The following PPP1R13B variants were observed in gnomAD, a reference collection of about 807,000 sequenced individuals.
The protein encoded by PPP1R13B is protein phosphatase 1 regulatory subunit 13B.
PPP1R13B carries 44 observed loss-of-function variants against 119.8 expected under a neutral mutation model. The observed-to-expected ratio is 0.37, with a 90% confidence interval of 0.29 to 0.47. The LOEUF (loss-of-function observed/expected upper bound fraction) is 0.47. Among genes scored for constraint, PPP1R13B ranks in the 20% least tolerant of loss-of-function variants. The pLI, the probability that PPP1R13B is intolerant of heterozygous loss-of-function variation, is 0.99. For synonymous variants in PPP1R13B, 542 were observed against 561.5 expected, an observed-to-expected ratio of 0.97 and a Z score of 0.49; for missense variants, 1,227 against 1,413.5, an observed-to-expected ratio of 0.87 and a Z score of 2.12.
At chr14:103,839,355 A>C (rs2152085779) in intron 1 of PPP1R13B, among the ~76,000 whole-genome samples, 1 of 152,056 alleles carries the variant, frequency 6.6e-6, no homozygotes, top group Admixed American at 6.5e-5. Context: ...CGCCGGGCAC[A>C]GTGGCTCACG....
At position 103,739,873 on chromosome 14, in the gene PPP1R13B, A is replaced by G; in HGVS notation, c.2543T>C (p.Val848Ala). The stretch of plus-strand genomic sequence containing the variant: ...GGCAGGGGGAAGAGGTGCTGGAGGG[A>G]CCTGCTCTTCCCCTGGAGATGGGGC... ...AEAPSPGEEQVPPAPLPPASH... is the reference protein window; with the variant it reads ...AEAPSPGEEQAPPAPLPPASH... The change falls in exon 12 of 17, where the codon GTC (valine) becomes GCC (alanine). Residue 848 changes from valine to alanine, a missense_variant. Coordinates refer to ENST00000202556, the MANE Select transcript of PPP1R13B (RefSeq NM_015316.3). The G allele has an allele frequency of 1.9e-6, 3 of 1,613,530 alleles. No individual in the cohort carries two copies. Among genetic ancestry groups the G allele is most frequent in the Non-Finnish European group, 2.5e-6 (3 of 1,179,910 alleles).
chr14:103,740,397 G>T lies in PPP1R13B; in HGVS notation c.2019C>A (p.Thr673=). ...VESLPRPLSP[T]KLTPIVHSPL... The stretch of plus-strand genomic sequence containing the variant: ...GCGAATGCACGATGGGCGTGAGCTT[G>T]GTGGGGCTGAGTGGCCGTGGCAGGC... Residue 673 remains threonine (T), a synonymous_variant, in exon 12 of 17, where the codon ACC becomes ACA. Coordinates refer to ENST00000202556, the MANE Select transcript of PPP1R13B (RefSeq NM_015316.3). The surrounding 1 kb of genome is among the most constrained non-coding windows in gnomAD (Gnocchi z 4.6). 6.3e-7 allele frequency: 1 copy of T among 1,579,492 alleles called. No homozygotes were observed.
At chr14:103,825,498 A>G (rs2086517024) in intron 1 of PPP1R13B, among the ~76,000 whole-genome samples, 1 of 152,236 alleles carries the variant, frequency 6.6e-6, no homozygotes, top group African/African-American at 2.4e-5. Context: ...CACACAAATG[A>G]TAAAAGCCTG....
intron 1 of PPP1R13B, among the ~76,000 whole-genome samples, chr14:103,823,561 C>T (rs1249018998): frequency 6.6e-6 from 1 of 152,118 alleles, no homozygotes; most frequent in Non-Finnish European, 1.5e-5. Context: ...CCTACCTTGT[C>T]ACCAAGATCT....
chr14:103,763,018 T>C, intron 4 of PPP1R13B: 5 of 1,459,060 alleles, frequency 3.4e-6, no homozygotes, highest in South Asian at 1.2e-5. Flanking sequence ...CAAGGTTTAG[T>C]GCAAGCAATA....
intron 4 of PPP1R13B, chr14:103,763,200 T>C (rs1366401994): frequency 3.4e-6 from 2 of 582,754 alleles, no homozygotes; most frequent in Middle Eastern, 9.5e-4. Context: ...GTGGAATGTG[T>C]CCATGAAATA....
Position 103,734,719 on chromosome 14 carries a change from G to C in PPP1R13B, c.*435C>G, listed in dbSNP as rs2084046397. On this transcript the variant is annotated 3_prime_UTR_variant, in exon 17 of 17. Transcript: ENST00000202556. ...GTGGGAAGTGTGAGAAAGGATGAGT[G>C]TCCGATTCGGTGACGGGGGGCAGGG... is the stretch of plus-strand genomic sequence containing the variant. The C allele has an allele frequency of 4.4e-6, 2 of 459,050 alleles. No homozygotes were observed. The highest frequency in any genetic ancestry group is 2.3e-5 in the Admixed American group (1 of 42,652). The allele number at this position is 459,050 out of a possible 1,614,324, so 28.4% of individuals were successfully genotyped here.
At chr14:103,834,566 G>A (rs2086730927) in intron 1 of PPP1R13B, among the ~76,000 whole-genome samples, 1 of 150,036 alleles carries the variant, frequency 6.7e-6, no homozygotes, top group Non-Finnish European at 1.5e-5. Context: ...GCACAGGGAA[G>A]GTAAATTTTA....
chr14:103,781,798 CCTG>C (rs2152020775), intron 3 of PPP1R13B, among the ~76,000 whole-genome samples: 1 of 152,144 alleles, frequency 6.6e-6, no homozygotes, highest in Non-Finnish European at 1.5e-5. Context: ...ACTACAGGCG[CCTG>C]CCACCACACT....
At chr14:103,828,652 C>G (rs374646600) in intron 1 of PPP1R13B, among the ~76,000 whole-genome samples, 1 of 152,086 alleles carries the variant, frequency 6.6e-6, no homozygotes, top group South Asian at 2.1e-4. Flanking sequence ...GAAAGACTTC[C>G]CAAAGGACGC....
At chr14:103,774,957 A>C (rs377536451) in intron 4 of PPP1R13B, among the ~76,000 whole-genome samples, 1 of 152,176 alleles carries the variant, frequency 6.6e-6, no homozygotes, top group Non-Finnish European at 1.5e-5. Context: ...CTCTAATTAC[A>C]AGCCACATAA....
chr14:103,741,703 C>T, intron 11 of PPP1R13B, 87 bp downstream of exon 11: 1 of 1,465,556 alleles, frequency 6.8e-7, no homozygotes, highest in Admixed American at 2.1e-5. Flanking sequence ...AGCACGTGGC[C>T]CAAACGTAAA....
intron 1 of PPP1R13B, among the ~76,000 whole-genome samples, chr14:103,830,339 CCCCACCTCAGCCT>C (rs987865834): frequency 5.3e-5 from 8 of 151,468 alleles, no homozygotes; most frequent in Non-Finnish European, 1.0e-4. Context: ...CAGGTGACCT[CCCCACCTCAGCCT>C]CCCAAAGTGC....
chr14:103,794,235 T>G (rs145902242), intron 2 of PPP1R13B, among the ~76,000 whole-genome samples: 151 of 152,190 alleles, frequency 9.9e-4, no homozygotes, highest in African/African-American at 3.5e-3. Flanking sequence ...ACGGCTCTAC[T>G]GGAAAGCACT....
At chr14:103,811,016 C>G (rs1227106490) in intron 1 of PPP1R13B, among the ~76,000 whole-genome samples, 1 of 146,204 alleles carries the variant, frequency 6.8e-6, no homozygotes, top group Admixed American at 7.0e-5. Flanking sequence ...TTGCTTAAAC[C>G]CGGGAGGCAG....
At chr14:103,803,661 A>C (rs1455855189) in intron 1 of PPP1R13B, among the ~76,000 whole-genome samples, 2 of 152,054 alleles carry the variant, frequency 1.3e-5, no homozygotes, top group African/African-American at 4.8e-5. Flanking sequence ...ATAAATAAAT[A>C]AATAATTAAT....
intron 1 of PPP1R13B, among the ~76,000 whole-genome samples, chr14:103,829,801 A>G (rs2086628138): frequency 6.6e-6 from 1 of 151,870 alleles, no homozygotes; most frequent in Non-Finnish European, 1.5e-5. Context: ...TTTTTTTTAA[A>G]CGCAGTCTCC....
chr14:103,758,616 T>C (rs1171519053), intron 4 of PPP1R13B, among the ~76,000 whole-genome samples: 4 of 152,246 alleles, frequency 2.6e-5, no homozygotes, highest in East Asian at 3.8e-4. Flanking sequence ...GTGGGGGTTA[T>C]GTGAGCCCCC....
At chr14:103,789,287 C>T (rs1053385740) in intron 2 of PPP1R13B, among the ~76,000 whole-genome samples, 26 of 152,110 alleles carry the variant, frequency 1.7e-4, no homozygotes, top group African/African-American at 5.8e-4. Flanking sequence ...GGCATGATCT[C>T]GGCTCACTGC....
Sources: allele counts gnomAD v4.1 joint callset (sites outside exome capture counted in the v4.1 genomes callset), GRCh38; gene constraint gnomAD v4.1.1; non-coding constraint Gnocchi (gnomAD v3.1); transcripts MANE v1.5; gene names NCBI Gene and HGNC (gene_info 2026-07-23, HGNC 2026-07-21).